The following TJP1 variants were observed in gnomAD, a reference collection of about 807,000 sequenced individuals.
TJP1 encodes the protein tight junction protein ZO-1.
TJP1 carries 43 observed loss-of-function variants against 194.2 expected under a neutral mutation model. The ratio of observed to expected loss-of-function variants is 0.22; its 90% CI spans 0.17 to 0.29. The LOEUF (loss-of-function observed/expected upper bound fraction) is 0.29. TJP1 is among the 10% of genes least tolerant of loss of function. TJP1 has a pLI of 1.00. For missense variants in TJP1, 1,971 were observed against 2,185.7 expected (o/e 0.90, Z 1.96); for synonymous variants, 801 against 779.0 (o/e 1.03, Z -0.47).
At chr15:29,903,836 T>C (rs988224441) in intron 2 of TJP1, among the ~76,000 whole-genome samples, 8 of 152,334 alleles carry the variant, frequency 5.3e-5, no homozygotes, top group Middle Eastern at 3.4e-3. Context: ...GCAATCTAAG[T>C]AGACCACAGC....
intron 2 of TJP1, among the ~76,000 whole-genome samples, chr15:29,871,333 A>C (rs547536323): frequency 1.3e-5 from 2 of 152,260 alleles, no homozygotes; most frequent in Non-Finnish European, 2.9e-5. Flanking sequence ...AAATATATAC[A>C]GTTGGTTTTT....
chr15:29,899,090 A>G (rs1020482741), intron 2 of TJP1, among the ~76,000 whole-genome samples: 2 of 152,188 alleles, frequency 1.3e-5, no homozygotes, highest in Admixed American at 1.3e-4. Flanking sequence ...TAATTATCCA[A>G]TTAGGTTAAT....
intron 2 of TJP1, among the ~76,000 whole-genome samples, chr15:29,907,333 T>C (rs2461738): frequency 0.12 from 17,651 of 152,028 alleles, 1,165 homozygotes; most frequent in African/African-American, 0.17. Context: ...GGAGTGAACC[T>C]GGGAGGTGGA....
At chr15:29,890,916 T>C (rs1596194397) in intron 2 of TJP1, among the ~76,000 whole-genome samples, 2 of 152,272 alleles carry the variant, frequency 1.3e-5, no homozygotes, top group South Asian at 4.1e-4. Flanking sequence ...GAAGCCTGCA[T>C]AGAGAGCTTG....
At chr15:29,722,768 C>T (rs1027256845) in intron 18 of TJP1, among the ~76,000 whole-genome samples, 13 of 152,226 alleles carry the variant, frequency 8.5e-5, no homozygotes, top group Admixed American at 3.9e-4. Context: ...ATGAAAGGAG[C>T]TGCAGGGGCT....
intron 2 of TJP1, among the ~76,000 whole-genome samples, chr15:29,892,197 CA>C (rs1469485667): frequency 1.3e-5 from 2 of 150,394 alleles, no homozygotes; most frequent in Admixed American, 1.3e-4. Flanking sequence ...TCCCTTAAAT[CA>C]AAGCCTGACC....
At chr15:29,800,549 T>G in intron 2 of TJP1, 97 bp downstream of exon 2, 1 of 1,186,930 alleles carries the variant, frequency 8.4e-7, no homozygotes, top group African/African-American at 1.6e-5. Flanking sequence ...AGTTTCCTCC[T>G]CCCTCTGGCT....
At chr15:29,760,546 T>G (rs909479899) in intron 8 of TJP1, among the ~76,000 whole-genome samples, 3 of 152,050 alleles carry the variant, frequency 2.0e-5, no homozygotes, top group African/African-American at 7.3e-5. Context: ...CTGGCTAATT[T>G]TTGTATTTTT....
At chr15:29,829,119 A>G (rs2050760727) in intron 2 of TJP1, among the ~76,000 whole-genome samples, 1 of 152,180 alleles carries the variant, frequency 6.6e-6, no homozygotes, top group Non-Finnish European at 1.5e-5. Context: ...TTTCAGAATA[A>G]GTTTAGCTTT....
chr15:29,790,750 T>C (rs1246707432), intron 2 of TJP1, among the ~76,000 whole-genome samples: 1 of 149,274 alleles, frequency 6.7e-6, no homozygotes, highest in Admixed American at 6.7e-5. Context: ...AGTTCATTTT[T>C]CTTTTTTTTT....
In TJP1 at chr15:29,705,508, A is replaced by T. The variant is rs370825793; in HGVS notation, c.5068+20T>A. Reference sequence around the variant, plus strand: ...AACTCTTAAGTTATCAAAACTAAGGAGAAAAATAAACACATTTACCTTTCT... The same window carrying T: ...AACTCTTAAGTTATCAAAACTAAGGTGAAAAATAAACACATTTACCTTTCT... On this transcript the variant is annotated intron_variant, in intron 26 of 27. Transcript: ENST00000614355. 41 of 1,612,766 alleles carry T rather than the reference A, an allele frequency of 2.5e-5. No homozygotes were observed. Among genetic ancestry groups the T allele is most frequent in the Non-Finnish European group, 3.5e-5 (41 of 1,179,428 alleles).
intron 1 of TJP1, among the ~76,000 whole-genome samples, chr15:29,807,186 G>T (rs757822210): frequency 6.6e-6 from 1 of 152,064 alleles, no homozygotes; most frequent in Non-Finnish European, 1.5e-5. Context: ...AATATTAGTC[G>T]GAAAGACAGA....
chr15:29,716,476 G>C, intron 23 of TJP1, 135 bp downstream of exon 23: 1 of 649,694 alleles, frequency 1.5e-6, no homozygotes, highest in Admixed American at 3.1e-5. Context: ...GAACTAAAAA[G>C]TATGTACAAT....
intron 12 of TJP1, among the ~76,000 whole-genome samples, chr15:29,733,908 T>C (rs761837246): frequency 6.6e-5 from 10 of 152,228 alleles, no homozygotes; most frequent in Non-Finnish European, 1.3e-4. Context: ...CTTGAATTAA[T>C]GCTAATAAAC....
In TJP1 at chr15:29,968,439, G is replaced by T. The variant is rs2056406185; in HGVS notation, c.173+228C>A. On this transcript the variant is annotated intron_variant, in intron 1 of 28. Coordinates refer to the TJP1 transcript ENST00000356107. The stretch of plus-strand genomic sequence containing the variant: ...CCTACGCGCCGCGGGCACAGCGAGG[G>T]TCTCGGCGAAACCAGTCAGCGGGCA... The T allele has an allele frequency of 1.7e-5, 17 of 980,962 alleles. No individual in the cohort carries two copies. The South Asian group carries it at 7.5e-4, about 43-fold the overall frequency. 60.8% of individuals were successfully genotyped at this position (980,962 alleles called of 1,614,324 possible).
intron 2 of TJP1, among the ~76,000 whole-genome samples, chr15:29,914,199 T>C (rs1673449130): frequency 6.6e-6 from 1 of 152,242 alleles, no homozygotes; most frequent in South Asian, 2.1e-4. Context: ...CTCACTAGCA[T>C]GGATTACACC....
chr15:29,808,318 T>C (rs1254748761), intron 1 of TJP1, among the ~76,000 whole-genome samples: 3 of 152,076 alleles, frequency 2.0e-5, no homozygotes, highest in African/African-American at 7.2e-5. Flanking sequence ...CTGTTAGAAG[T>C]TGGGACAGGG....
chr15:29,734,378 T>C lies in TJP1; in HGVS notation c.1412A>G (p.Asn471Ser), dbSNP rs2229517. ...LEEGDQILRVNNVDFTNIIRE... is the reference protein window; with the variant it reads ...LEEGDQILRVSNVDFTNIIRE... The stretch of plus-strand genomic sequence containing the variant: ...TATGATATTTGTAAAATCTACGTTG[T>C]TTACCTAATAAATAAGATTTCATAA... Residue 471 changes from asparagine (N) to serine (S), a missense_variant, in exon 12 of 28, where the codon AAC becomes AGC. Asn to Ser is a conservative substitution (Grantham distance 46). Transcript: ENST00000614355. 0.011 allele frequency: 18,297 copies of C among 1,602,970 alleles called. 110 individuals carry two copies. The highest frequency in any genetic ancestry group is 0.014 in the Non-Finnish European group (15,926 of 1,173,396).
chr15:29,744,116 T>A (rs866810250), intron 8 of TJP1, among the ~76,000 whole-genome samples: 1 of 152,048 alleles, frequency 6.6e-6, no homozygotes, highest in African/African-American at 2.4e-5. Flanking sequence ...GAGGCAGAGG[T>A]TGCAGTGAGC....
Sources: gnomAD v4.1 joint callset for allele counts (sites outside exome capture counted in the v4.1 genomes callset) on GRCh38, gnomAD v4.1.1 for gene constraint, MANE v1.5 for transcripts, NCBI Gene and HGNC (gene_info 2026-07-23, HGNC 2026-07-21) for gene names.